The following EMC2 variants were observed in gnomAD, a reference collection of about 807,000 sequenced individuals.
The protein encoded by EMC2 is ER membrane protein complex subunit 2, also known as TPR repeat protein 35.
A neutral mutation model predicts 51.6 loss-of-function variants in EMC2; 37 were observed. That is an observed-to-expected ratio of 0.72 (90% CI 0.55 to 0.94). The LOEUF (loss-of-function observed/expected upper bound fraction) is 0.94, where lower values mean the gene tolerates loss of function less well. Ranked by LOEUF, EMC2 falls within the 40% of genes least tolerant of loss-of-function variation. The pLI is 0.00. For missense variants in EMC2, 359 were observed against 350.9 expected (o/e 1.02, Z -0.18); for synonymous variants, 131 against 112.4 (o/e 1.17, Z -1.04).
chr8:108,465,614 A>G lies in EMC2; in HGVS notation c.364-4212A>G, dbSNP rs192652158. On this transcript the variant is annotated intron_variant, in intron 5 of 10. Transcript: ENST00000220853. ...TTCTTTTAGTAGCGTGTTTTTCACTATCATACATGGGTTCTTCAGAACTAT... is the reference window on the plus strand; with the variant it reads ...TTCTTTTAGTAGCGTGTTTTTCACTGTCATACATGGGTTCTTCAGAACTAT... Among the ~76,000 whole-genome samples, 241 of 152,306 alleles carry G rather than the reference A, an allele frequency of 1.6e-3. 1 individual carries two copies. Among genetic ancestry groups the G allele is most frequent in the Admixed American group, 3.5e-3 (53 of 15,296 alleles).
intron 1 of EMC2, 27 bp from the exon 2 acceptor site, chr8:108,449,796 A>T: frequency 9.3e-7 from 1 of 1,070,762 alleles, no homozygotes; most frequent in Non-Finnish European, 1.4e-6. Context: ...GTACATATAC[A>T]CTTAAATGTC....
At chr8:108,475,171 G>A (rs542025272) in intron 7 of EMC2, 10 of 151,962 alleles carry the variant, frequency 6.6e-5, no homozygotes, top group African/African-American at 1.7e-4. Context: ...GGCATTAAAC[G>A]TTTAAAATAT....
intron 5 of EMC2, among the ~76,000 whole-genome samples, chr8:108,457,259 A>C (rs1819188039): frequency 6.6e-6 from 1 of 151,070 alleles, no homozygotes; most frequent in East Asian, 1.9e-4. Flanking sequence ...TTTCTGTGGA[A>C]ATTCCCTAGG....
intron 10 of EMC2, among the ~76,000 whole-genome samples, chr8:108,480,960 T>A (rs1811034732): frequency 6.6e-6 from 1 of 152,160 alleles, no homozygotes. Flanking sequence ...GTTTTCTTGT[T>A]TAGTGGATTA....
At chr8:108,455,968 TAATTTA>T (rs768037538) in intron 5 of EMC2, 38 bp downstream of exon 5, 1 of 939,390 alleles carries the variant, frequency 1.1e-6, no homozygotes, top group African/African-American at 1.8e-5. Flanking sequence ...ATCTAAAGTT[TAATTTA>T]AAAGATAAAA....
At chr8:108,469,282 C>T (rs1810803342) in intron 5 of EMC2, among the ~76,000 whole-genome samples, 1 of 152,094 alleles carries the variant, frequency 6.6e-6, no homozygotes, top group Non-Finnish European at 1.5e-5. Context: ...ATTTTAAAAA[C>T]TTTAGAATAC....
At chr8:108,468,064 G>A (rs1254176599) in intron 5 of EMC2, among the ~76,000 whole-genome samples, 1 of 152,088 alleles carries the variant, frequency 6.6e-6, no homozygotes. Flanking sequence ...CAGACATTAT[G>A]CTCTGTATAT....
At position 108,487,422 on chromosome 8, in the gene EMC2, T is replaced by A. The variant is rs960206729; in HGVS notation, c.*824T>A. ...AAACTATCCTTAGAAACAAAAATGTTAAAATTTTCCTATTCTATCATTACC... is the reference window on the plus strand; with the variant it reads ...AAACTATCCTTAGAAACAAAAATGTAAAAATTTTCCTATTCTATCATTACC... On this transcript the variant is annotated 3_prime_UTR_variant, in exon 11 of 11. Transcript: ENST00000220853. Among the ~76,000 whole-genome samples the A allele has an allele frequency of 1.3e-5, 2 of 151,992 alleles. No homozygotes were observed. The highest frequency in any genetic ancestry group is 2.4e-5 in the African/African-American group (1 of 41,444).
chr8:108,477,866 G>T (rs1032887947), intron 9 of EMC2, among the ~76,000 whole-genome samples: 1 of 151,970 alleles, frequency 6.6e-6, no homozygotes. Context: ...CAATAAATCC[G>T]CACATCAACT....
At chr8:108,445,548 T>C (rs1246639794) in intron 1 of EMC2, among the ~76,000 whole-genome samples, 2 of 151,912 alleles carry the variant, frequency 1.3e-5, no homozygotes, top group Non-Finnish European at 2.9e-5. Context: ...AAAAAAGCCT[T>C]ACTTGACCAC....
intron 5 of EMC2, among the ~76,000 whole-genome samples, chr8:108,463,260 G>A (rs1273416908): frequency 6.6e-6 from 1 of 152,208 alleles, no homozygotes; most frequent in African/African-American, 2.4e-5. Context: ...AAGGAGATGA[G>A]AAAAGTAATT....
intron 6 of EMC2, 30 bp downstream of exon 6, chr8:108,469,941 G>A (rs767652138): frequency 6.4e-7 from 1 of 1,573,146 alleles, no homozygotes; most frequent in East Asian, 2.2e-5. Context: ...ATTGTGTTTT[G>A]TTATTCTGAT....
chr8:108,463,907 A>G (rs2130373536), intron 5 of EMC2: 1 of 152,628 alleles, frequency 6.6e-6, no homozygotes. Context: ...TGGATTTGCA[A>G]ATATCCTGAC....
chr8:108,481,499 C>T (rs984038333), intron 10 of EMC2, among the ~76,000 whole-genome samples: 4 of 151,720 alleles, frequency 2.6e-5, no homozygotes, highest in South Asian at 2.1e-4. Flanking sequence ...ATAAAAGTAA[C>T]GTTATGCATA....
chr8:108,461,658 A>G (rs1464942181), intron 5 of EMC2, among the ~76,000 whole-genome samples: 1 of 152,194 alleles, frequency 6.6e-6, no homozygotes, highest in East Asian at 1.9e-4. Context: ...TTTTTATTTG[A>G]AAGAATGGTG....
chr8:108,456,043 TAAA>T (rs1000123960), intron 5 of EMC2, 113 bp downstream of exon 5: 16 of 332,964 alleles, frequency 4.8e-5, no homozygotes, highest in Non-Finnish European at 6.1e-5. Context: ...AATTTTTAAT[TAAA>T]AAATATTTTT....
chr8:108,469,886 C>G lies in EMC2; in HGVS notation c.424C>G (p.Arg142Gly), dbSNP rs536838549. Residue 142 changes from arginine (R) to glycine (G), a missense_variant, in exon 6 of 11, where the codon CGG becomes GGG. Physicochemically the swap from Arg to Gly is moderately radical, Grantham distance 125. Transcript: ENST00000220853. ...CCAGGGGAAAAATGTGGAGGCCATT[C>G]GGGAGCTGAATGAGTATCTGGAACA... The part of the protein sequence containing the change: ...KAQGKNVEAI[R>G]ELNEYLEQFV... 5 of 1,612,832 alleles carry G rather than the reference C, an allele frequency of 3.1e-6. No homozygotes were observed.
At chr8:108,478,664 A>G (rs940968949) in intron 9 of EMC2, among the ~76,000 whole-genome samples, 3 of 151,958 alleles carry the variant, frequency 2.0e-5, no homozygotes, top group Non-Finnish European at 4.4e-5. Flanking sequence ...AATATCCTAC[A>G]GTGGTAAAGT....
intron 7 of EMC2, 27 bp downstream of exon 7, chr8:108,470,148 G>A: frequency 6.6e-7 from 1 of 1,517,854 alleles, no homozygotes; most frequent in East Asian, 2.3e-5. Context: ...ACAACATTTT[G>A]TTGAGTGCAG....
Sources: allele counts gnomAD v4.1 joint callset (sites outside exome capture counted in the v4.1 genomes callset), GRCh38; gene constraint gnomAD v4.1.1; transcripts MANE v1.5; gene names NCBI Gene and HGNC (gene_info 2026-07-23, HGNC 2026-07-21).